GIPC2: variants seen among roughly 807,000 people sequenced by gnomAD.
The protein encoded by GIPC2 is GIPC PDZ domain containing family member 2, also known as PDZ domain-containing protein GIPC2.
GIPC2 carries 30 observed loss-of-function variants against 30.6 expected under a neutral mutation model. The observed-to-expected ratio is 0.98, with a 90% CI of 0.73 to 1.33. The LOEUF is 1.33. Ranked by LOEUF, GIPC2 falls within the 40% of genes most tolerant of loss-of-function variation. The pLI, the probability that GIPC2 is intolerant of heterozygous loss-of-function variation, is 0.00. For synonymous variants in GIPC2, 167 were observed against 150.0 expected (o/e 1.11, Z -0.83); for missense variants, 414 against 390.3 (o/e 1.06, Z -0.51).
chr1:78,051,689 G>A (rs992632497), intron 1 of GIPC2, among the ~76,000 whole-genome samples: 2 of 152,062 alleles, frequency 1.3e-5, no homozygotes, highest in Admixed American at 6.6e-5. Context: ...TAGTAGAGAC[G>A]GGGTTTTGCC....
At chr1:78,104,038 G>A (rs772693453) in intron 3 of GIPC2, among the ~76,000 whole-genome samples, 2 of 152,160 alleles carry the variant, frequency 1.3e-5, no homozygotes, top group East Asian at 1.9e-4. Flanking sequence ...TGACTTGGAC[G>A]TAGAGCTTCA....
At chr1:78,064,846 C>T (rs191775177) in intron 1 of GIPC2, among the ~76,000 whole-genome samples, 147 of 149,968 alleles carry the variant, frequency 9.8e-4, no homozygotes, top group African/African-American at 3.3e-3. Context: ...CTGGTTAAAG[C>T]GATTCTCTTG....
Position 78,080,865 on chromosome 1 carries a change from G to GTT in GIPC2, c.426+8_426+9dup, listed in dbSNP as rs1661814564. 5.8e-6 allele frequency: 9 copies of GTT among 1,547,178 alleles called. No individual in the cohort carries two copies. Among genetic ancestry groups the GTT allele is most frequent in the Non-Finnish European group, 7.9e-6 (9 of 1,137,038 alleles). ...GTTGGCTATGCTTTTATAAAGGTAA[G>GTT]TTTTAAAAAATAACAGTGTAACCTA... On this transcript the variant is annotated splice_donor_region_variant and intron_variant, in intron 2 of 5. Coordinates refer to ENST00000370759, the MANE Select transcript of GIPC2 (RefSeq NM_017655.6).
chr1:78,110,203 T>C (rs1341412247), intron 3 of GIPC2, among the ~76,000 whole-genome samples: 1 of 151,808 alleles, frequency 6.6e-6, no homozygotes, highest in African/African-American at 2.4e-5. Context: ...AGAAACAGCC[T>C]ATAATGCTTG....
chr1:78,114,860 G>A (rs1662539287), intron 3 of GIPC2, among the ~76,000 whole-genome samples: 1 of 152,220 alleles, frequency 6.6e-6, no homozygotes, highest in African/African-American at 2.4e-5. Context: ...CTCTGGTGTT[G>A]GAGGTTGATA....
At chr1:78,080,630 G>A (rs1174498339) in intron 1 of GIPC2, 45 bp from the exon 2 acceptor site, 1 of 1,044,954 alleles carries the variant, frequency 9.6e-7, no homozygotes, top group Non-Finnish European at 1.4e-6. Context: ...ACGGTCAGAT[G>A]TATTCCAAGT....
At chr1:78,121,324 G>T (rs557897745) in intron 4 of GIPC2, among the ~76,000 whole-genome samples, 5 of 152,158 alleles carry the variant, frequency 3.3e-5, no homozygotes, top group Admixed American at 2.6e-4. Context: ...AGCTCGGGGG[G>T]GCAGGGGCAA....
intron 5 of GIPC2, among the ~76,000 whole-genome samples, chr1:78,128,561 A>G (rs1237543621): frequency 2.6e-5 from 4 of 152,382 alleles, no homozygotes; most frequent in Middle Eastern, 3.4e-3. Context: ...TTCGTACAAC[A>G]GTCTAGACTG....
At chr1:78,045,798 C>T, upstream of GIPC2, 1 of 1,167,666 alleles carries the variant, frequency 8.6e-7, no homozygotes, top group Non-Finnish European at 1.1e-6. Flanking sequence ...CATCCTCAGG[C>T]GTTCACGTAA....
intron 3 of GIPC2, among the ~76,000 whole-genome samples, chr1:78,096,573 T>G (rs1662141280): frequency 6.6e-6 from 1 of 152,102 alleles, no homozygotes; most frequent in Admixed American, 6.6e-5. Flanking sequence ...TACCTTAACT[T>G]GGATGCTAGG....
chr1:78,077,546 A>T (rs1352504729), intron 1 of GIPC2, among the ~76,000 whole-genome samples: 1 of 152,192 alleles, frequency 6.6e-6, no homozygotes, highest in East Asian at 1.9e-4. Flanking sequence ...CATTAAGATT[A>T]TATCTACTGA....
At position 78,046,241 on chromosome 1, in the gene GIPC2, GCA is replaced by G. The variant is rs1553138597; in HGVS notation, c.149_150del (p.His50ArgfsTer2). ...GGCTGGTCTTCCACGCGCAGCTGGC[GCA>G]CGGTAGTGCCACGGGCCGAGTGGAG... ...RRLVFHAQLA[H>X]GSATGRVEGF... On this transcript the variant is annotated frameshift_variant, in exon 1 of 6. Transcript: ENST00000370759. LOFTEE classifies it high-confidence loss of function. 1 of 1,608,422 alleles carries G rather than the reference GCA, an allele frequency of 6.2e-7. No individual in the cohort carries two copies. Among genetic ancestry groups the G allele is most frequent in the Non-Finnish European group, 8.5e-7 (1 of 1,178,256 alleles).
rs1456966390 is a variant in GIPC2, at chr1:78,046,087, C to T, written c.-8C>T. 3.5e-6 allele frequency: 5 copies of T among 1,441,008 alleles called. No individual in the cohort carries two copies. Among genetic ancestry groups the T allele is most frequent in the Non-Finnish European group, 4.5e-6 (5 of 1,101,784 alleles). The allele number at this position is 1,441,008 out of a possible 1,614,324, so 89.3% of individuals were successfully genotyped here. A position where few individuals can be genotyped will look rare whatever the true frequency, so the allele number is the denominator to read the frequency against. The stretch of plus-strand genomic sequence containing the variant: ...GCGCAGGTGGGCCCGCGCTCTCGGC[C>T]CTGCAAGATGCCCCTGAAGCTGCGG... On this transcript the variant is annotated 5_prime_UTR_variant, in exon 1 of 6. Transcript: ENST00000370759.
At chr1:78,135,256 G>T (rs1400880665) in intron 5 of GIPC2, among the ~76,000 whole-genome samples, 1 of 152,126 alleles carries the variant, frequency 6.6e-6, no homozygotes, top group South Asian at 2.1e-4. Flanking sequence ...TCCTGCTAGG[G>T]TTAGTCACAG....
intron 1 of GIPC2, among the ~76,000 whole-genome samples, chr1:78,054,295 T>A (rs1463541563): frequency 1.3e-5 from 2 of 152,256 alleles, no homozygotes; most frequent in African/African-American, 2.4e-5. Flanking sequence ...ACTTTTTTCC[T>A]TTTTAAATCT....
intron 3 of GIPC2, among the ~76,000 whole-genome samples, chr1:78,098,095 G>A (rs1379714540): frequency 6.6e-6 from 1 of 152,134 alleles, no homozygotes; most frequent in African/African-American, 2.4e-5. Flanking sequence ...ATTTTCTCTT[G>A]ATTTTGAATC....
At chr1:78,069,003 C>T in intron 1 of GIPC2, 2 of 864,930 alleles carry the variant, frequency 2.3e-6, no homozygotes, top group Non-Finnish European at 2.8e-6. Flanking sequence ...AAGTGCTCTG[C>T]CTCCCCTAGC....
chr1:78,065,450 A>G (rs1020560604), intron 1 of GIPC2, among the ~76,000 whole-genome samples: 25 of 152,206 alleles, frequency 1.6e-4, no homozygotes, highest in Admixed American at 4.6e-4. Flanking sequence ...AATCAATATC[A>G]TTAAAATGGC....
At chr1:78,127,918 G>A (rs928864434) in intron 5 of GIPC2, among the ~76,000 whole-genome samples, 3 of 151,972 alleles carry the variant, frequency 2.0e-5, no homozygotes, top group Admixed American at 2.0e-4. Context: ...ATGTTGCTCA[G>A]GCTCAAGTGA....
Sources: gnomAD v4.1 joint callset for allele counts (sites outside exome capture counted in the v4.1 genomes callset) on GRCh38, gnomAD v4.1.1 for gene constraint, MANE v1.5 for transcripts, NCBI Gene and HGNC (gene_info 2026-07-23, HGNC 2026-07-21) for gene names.